The following PTPRD variants were observed in gnomAD, a reference collection of about 807,000 sequenced individuals.
PTPRD encodes the protein receptor-type tyrosine-protein phosphatase delta.
A neutral mutation model predicts 214.5 loss-of-function variants in PTPRD; 34 were observed. That is an observed-to-expected ratio of 0.16 (90% CI 0.12 to 0.21). The LOEUF (loss-of-function observed/expected upper bound fraction) is 0.21. Among genes scored for constraint, PTPRD ranks in the 10% least tolerant of loss-of-function variants. PTPRD has a pLI of 1.00. For missense variants in PTPRD, 2,545 were observed against 2,398.7 expected (o/e 1.06, Z -1.27); for synonymous variants, 1,128 against 845.7 (o/e 1.33, Z -5.79).
intron 9 of PTPRD, among the ~76,000 whole-genome samples, chr9:9,230,100 C>T (rs1230661205): frequency 1.3e-5 from 2 of 151,898 alleles, no homozygotes; most frequent in African/African-American, 2.4e-5. Context: ...CCTCTGTTCC[C>T]GACTGATAGG....
At chr9:8,963,704 C>T (rs1445966665) in intron 11 of PTPRD, among the ~76,000 whole-genome samples, 1 of 152,094 alleles carries the variant, frequency 6.6e-6, no homozygotes, top group Admixed American at 6.6e-5. Flanking sequence ...GCTGCAGCCT[C>T]AGCCTCCTGG....
intron 12 of PTPRD, among the ~76,000 whole-genome samples, chr9:8,659,433 T>C (rs371101614): frequency 2.6e-5 from 4 of 152,230 alleles, no homozygotes; most frequent in African/African-American, 9.6e-5. Context: ...CCTGTTGTTA[T>C]CACCATGACC....
At chr9:9,328,595 AT>A (rs1264410361) in intron 9 of PTPRD, among the ~76,000 whole-genome samples, 1 of 68,930 alleles carries the variant, frequency 1.5e-5, no homozygotes, top group Non-Finnish European at 3.3e-5. Flanking sequence ...TTTTGATCAC[AT>A]TTTCTTTTGT....
At chr9:9,717,959 T>C (rs2097862458) in intron 7 of PTPRD, among the ~76,000 whole-genome samples, 1 of 152,142 alleles carries the variant, frequency 6.6e-6, no homozygotes, top group African/African-American at 2.4e-5. Flanking sequence ...TCTTTGTAAA[T>C]CTAAGTATAA....
intron 10 of PTPRD, among the ~76,000 whole-genome samples, chr9:9,031,868 A>G (rs2099606611): frequency 6.6e-6 from 1 of 152,002 alleles, no homozygotes; most frequent in Non-Finnish European, 1.5e-5. Flanking sequence ...GGGCAGAAGG[A>G]TGGTAGAATT....
At chr9:9,097,640 G>T (rs1315527301) in intron 10 of PTPRD, among the ~76,000 whole-genome samples, 1 of 151,898 alleles carries the variant, frequency 6.6e-6, no homozygotes, top group Non-Finnish European at 1.5e-5. Flanking sequence ...TCAATCTCTT[G>T]ACCTCGTGAT....
intron 42 of PTPRD, among the ~76,000 whole-genome samples, chr9:8,339,388 A>G (rs1330840857): frequency 2.0e-5 from 3 of 152,152 alleles, no homozygotes; most frequent in African/African-American, 4.8e-5. Context: ...TCCTTGGACA[A>G]TGCTGGCCAT....
chr9:8,478,314 T>C (rs1187754621), intron 30 of PTPRD, among the ~76,000 whole-genome samples: 5 of 152,128 alleles, frequency 3.3e-5, no homozygotes. Flanking sequence ...GGAACACAAA[T>C]CTTATGAAGC....
rs577890492 is a variant in PTPRD, at chr9:10,228,961, C to G, written c.-545+112002G>C. ...AAAAACACTAAATAAGGCATTGCTT[C>G]TTAATTCCTCAGTTGTTGACATTTC... On this transcript the variant is annotated intron_variant, in intron 3 of 45. Coordinates refer to ENST00000381196, the MANE Select transcript of PTPRD (RefSeq NM_002839.4). Among the ~76,000 whole-genome samples the G allele has an allele frequency of 2.3e-3, 356 of 151,948 alleles. 3 individuals are homozygous for G. Among genetic ancestry groups the G allele is most frequent in the Middle Eastern group, 6.8e-3 (2 of 294 alleles).
At chr9:9,512,899 G>A (rs1041792816) in intron 8 of PTPRD, among the ~76,000 whole-genome samples, 15 of 150,714 alleles carry the variant, frequency 1.0e-4, no homozygotes, top group Non-Finnish European at 2.1e-4. Flanking sequence ...ATAATCACGA[G>A]TAATCATTAC....
intron 8 of PTPRD, among the ~76,000 whole-genome samples, chr9:9,462,389 T>A (rs866278707): frequency 6.6e-6 from 1 of 152,158 alleles, no homozygotes; most frequent in South Asian, 2.1e-4. Context: ...ATTCATGTAT[T>A]TGTAACTAAA....
At chr9:9,606,222 T>C (rs2094144441) in intron 7 of PTPRD, among the ~76,000 whole-genome samples, 1 of 152,110 alleles carries the variant, frequency 6.6e-6, no homozygotes, top group African/African-American at 2.4e-5. Flanking sequence ...CTAATAGACT[T>C]AGACAATTTT....
chr9:8,555,782 G>C (rs745825735), intron 14 of PTPRD, among the ~76,000 whole-genome samples: 1 of 152,218 alleles, frequency 6.6e-6, no homozygotes, highest in East Asian at 1.9e-4. Context: ...GAGTCTACAC[G>C]TGTAGGGGAA....
At chr9:8,495,159 A>G (rs2097234935) in intron 26 of PTPRD, among the ~76,000 whole-genome samples, 1 of 152,202 alleles carries the variant, frequency 6.6e-6, no homozygotes, top group Non-Finnish European at 1.5e-5. Flanking sequence ...AATATCTGCT[A>G]GATGTTTTCC....
At chr9:8,482,213 C>G (rs1198997717) in intron 30 of PTPRD, among the ~76,000 whole-genome samples, 1 of 152,138 alleles carries the variant, frequency 6.6e-6, no homozygotes, top group East Asian at 1.9e-4. Context: ...CACCATCATT[C>G]ATTGTCATCC....
intron 10 of PTPRD, among the ~76,000 whole-genome samples, chr9:9,084,992 T>G (rs1181997337): frequency 6.6e-6 from 1 of 152,192 alleles, no homozygotes; most frequent in East Asian, 1.9e-4. Flanking sequence ...CCTGAAAATA[T>G]TCCTTTAAAA....
intron 39 of PTPRD, among the ~76,000 whole-genome samples, chr9:8,342,313 C>G (rs941565958): frequency 1.3e-5 from 2 of 152,064 alleles, no homozygotes; most frequent in African/African-American, 4.8e-5. Flanking sequence ...AACATTTAGT[C>G]TGTCCATATT....
intron 14 of PTPRD, among the ~76,000 whole-genome samples, chr9:8,599,878 A>G (rs1301150525): frequency 1.3e-5 from 2 of 151,912 alleles, no homozygotes; most frequent in African/African-American, 4.8e-5. Flanking sequence ...CGGCCCCCCA[A>G]ATTGCTGGAA....
Position 10,341,037 on chromosome 9 carries a change from G to A in PTPRD, c.-599-20C>T, listed in dbSNP as rs2096929772. 1 of 151,798 alleles carries A rather than the reference G, an allele frequency of 6.6e-6. No individual in the cohort carries two copies. 9.4% of individuals were successfully genotyped at this position (151,798 alleles called of 1,614,324 possible). On this transcript the variant is annotated intron_variant, in intron 2 of 45. Coordinates refer to ENST00000381196, the MANE Select transcript of PTPRD (RefSeq NM_002839.4). ...CTTCACCTGCAAAAATGAGGACATT[G>A]GGCTAGATCCATTATTTTACATTAA...
Sources: gnomAD v4.1 joint callset for allele counts (sites outside exome capture counted in the v4.1 genomes callset) on GRCh38, gnomAD v4.1.1 for gene constraint, MANE v1.5 for transcripts, NCBI Gene and HGNC (gene_info 2026-07-23, HGNC 2026-07-21) for gene names.